The following SPAG1 variants were observed in gnomAD, a reference collection of about 807,000 sequenced individuals.
SPAG1 encodes sperm-associated antigen 1.
A neutral mutation model predicts 100.5 loss-of-function variants in SPAG1; 69 were observed. That is an observed-to-expected ratio of 0.69 (90% CI 0.57 to 0.84). The LOEUF is 0.84. SPAG1 is among the 40% of genes least tolerant of loss of function. SPAG1 has a pLI of 0.00. For missense variants in SPAG1, 955 were observed against 1,133.1 expected, an observed-to-expected ratio of 0.84 and a Z score of 2.26; for synonymous variants, 336 against 411.6, an observed-to-expected ratio of 0.82 and a Z score of 2.22.
At chr8:100,172,634 A>ATGTGTGTGTGTG (rs60155004) in intron 3 of SPAG1, among the ~76,000 whole-genome samples, 1,512 of 145,538 alleles carry the variant, frequency 0.01, 24 homozygotes, top group South Asian at 0.039. Context: ...AAAGAAATAT[A>ATGTGTGTGTGTG]TGTGTGTGTG....
At position 100,225,322 on chromosome 8, in the gene SPAG1, G is replaced by A. The variant is rs147520866; in HGVS notation, c.1838G>A (p.Arg613His). ...CAAGCAGGAGACTCCAGCAGCCATCGCCAGCAGGGCATCACAGGTGGGGGA... is the reference window on the plus strand; with the variant it reads ...CAAGCAGGAGACTCCAGCAGCCATCACCAGCAGGGCATCACAGGTGGGGGA... Reference protein sequence around the residue: ...SKQAGDSSSHRQQGITDEKTF... With the variant: ...SKQAGDSSSHHQQGITDEKTF... The change falls in exon 14 of 19, where the codon CGC (arginine) becomes CAC (histidine). Residue 613 changes from arginine to histidine, a missense_variant. Transcript: ENST00000388798. 16 of 1,613,428 alleles carry A rather than the reference G, an allele frequency of 9.9e-6. No individual in the cohort carries two copies. Among genetic ancestry groups the A allele is most frequent in the African/African-American group, 6.7e-5 (5 of 74,878 alleles).
Position 100,191,445 on chromosome 8 carries a change from A to G in SPAG1, c.888A>G (p.Thr296=). The change falls in exon 9 of 19, where the codon ACA becomes ACG. Residue 296 remains threonine (T), a synonymous_variant. Coordinates refer to ENST00000388798, the MANE Select transcript of SPAG1 (RefSeq NM_003114.5). ...YKHQNKLREA[T]EDLSKVLDVE... Reference sequence around the variant, plus strand: ...ATCAAAACAAGCTCCGGGAAGCTACAGAAGATTTGAGTAAAGTACTAGATG... The same window carrying G: ...ATCAAAACAAGCTCCGGGAAGCTACGGAAGATTTGAGTAAAGTACTAGATG... 1 of 1,614,076 alleles carries G rather than the reference A, an allele frequency of 6.2e-7. No individual in the cohort carries two copies. Among genetic ancestry groups the G allele is most frequent in the Admixed American group, 1.7e-5 (1 of 60,028 alleles).
At chr8:100,231,419 C>A in intron 15 of SPAG1, 131 bp downstream of exon 15, 1 of 601,952 alleles carries the variant, frequency 1.7e-6, no homozygotes, top group Non-Finnish European at 2.8e-6. Flanking sequence ...ATTTCTATAG[C>A]AAGCTGTCCT....
chr8:100,159,807 A>G (rs1815226666), intron 1 of SPAG1, among the ~76,000 whole-genome samples: 1 of 152,220 alleles, frequency 6.6e-6, no homozygotes, highest in Non-Finnish European at 1.5e-5. Flanking sequence ...TGCAGTTTGA[A>G]AATCACTGGT....
At chr8:100,209,207 T>C (rs1328463640) in intron 10 of SPAG1, among the ~76,000 whole-genome samples, 1 of 152,094 alleles carries the variant, frequency 6.6e-6, no homozygotes, top group Non-Finnish European at 1.5e-5. Flanking sequence ...TTGTTGAGAC[T>C]TGGACTGGCT....
In SPAG1 at chr8:100,165,906, A is replaced by T; in HGVS notation, c.233A>T (p.Asp78Val). The change falls in exon 3 of 19, where the codon GAT (aspartate) becomes GTT (valine). Residue 78 changes from aspartate (D) to valine (V), a missense_variant. Coordinates refer to ENST00000388798, the MANE Select transcript of SPAG1 (RefSeq NM_003114.5). ...LAPESRALRK[D>V]KPAATAASFT... ...CCTGAAAGCAGAGCTTTGAGGAAAG[A>T]TAAACCAGCAGCAACAGCAGCCAGT... 1 of 1,614,250 alleles carries T rather than the reference A, an allele frequency of 6.2e-7. No homozygotes were observed. Among genetic ancestry groups the T allele is most frequent in the South Asian group, 1.1e-5 (1 of 91,090 alleles).
intron 10 of SPAG1, among the ~76,000 whole-genome samples, chr8:100,199,503 T>C (rs1304753204): frequency 1.3e-5 from 2 of 152,192 alleles, no homozygotes; most frequent in Non-Finnish European, 2.9e-5. Flanking sequence ...TGGAGTGCAA[T>C]GGCATGATCT....
chr8:100,188,447 G>C (rs1321332132), intron 8 of SPAG1, among the ~76,000 whole-genome samples: 2 of 152,078 alleles, frequency 1.3e-5, no homozygotes, highest in Non-Finnish European at 2.9e-5. Context: ...GAGCCACCAA[G>C]CCTGGCCTGC....
At chr8:100,207,427 A>G (rs1415322584) in intron 10 of SPAG1, among the ~76,000 whole-genome samples, 1 of 152,132 alleles carries the variant, frequency 6.6e-6, no homozygotes, top group Non-Finnish European at 1.5e-5. Flanking sequence ...TGGTTCACTG[A>G]TGGTTCTACA....
chr8:100,202,534 C>A (rs1210904805), intron 10 of SPAG1, among the ~76,000 whole-genome samples: 1 of 149,632 alleles, frequency 6.7e-6, no homozygotes, highest in Non-Finnish European at 1.5e-5. Context: ...CACGGTGAAA[C>A]CCCGTCTCTA....
At chr8:100,204,452 A>G (rs913263900) in intron 10 of SPAG1, among the ~76,000 whole-genome samples, 1 of 152,148 alleles carries the variant, frequency 6.6e-6, no homozygotes, top group African/African-American at 2.4e-5. Context: ...ATCAGGCTGA[A>G]TTTATTGATT....
intron 3 of SPAG1, among the ~76,000 whole-genome samples, chr8:100,176,850 C>T (rs1261329760): frequency 1.2e-5 from 1 of 83,504 alleles, no homozygotes; most frequent in Non-Finnish European, 2.5e-5. Context: ...TCTTCTCTCT[C>T]CTCCCTCTCC....
intron 2 of SPAG1, chr8:100,165,248 A>T (rs1287588620): frequency 3.8e-6 from 2 of 523,146 alleles, no homozygotes; most frequent in Non-Finnish European, 7.8e-6. Context: ...GACTCTAGGA[A>T]TAATTCGCAG....
chr8:100,187,082 T>C (rs760148706), intron 7 of SPAG1, 38 bp from the exon 8 acceptor site: 167 of 1,586,550 alleles, frequency 1.1e-4, no homozygotes, highest in Non-Finnish European at 1.4e-4. Flanking sequence ...TATGTTTACC[T>C]TAGGCTTGCT....
chr8:100,218,035 A>C (rs2439466), intron 12 of SPAG1, among the ~76,000 whole-genome samples: 1 of 152,114 alleles, frequency 6.6e-6, no homozygotes, highest in Non-Finnish European at 1.5e-5. Flanking sequence ...TGGTCTGCCA[A>C]CCTTGGCCTC....
intron 12 of SPAG1, among the ~76,000 whole-genome samples, chr8:100,216,489 G>C (rs1817990840): frequency 6.6e-6 from 1 of 152,196 alleles, no homozygotes; most frequent in South Asian, 2.1e-4. Context: ...CAGCCATGGT[G>C]TCCAGGGTGG....
At chr8:100,226,066 G>A (rs1008261129) in intron 14 of SPAG1, among the ~76,000 whole-genome samples, 3 of 149,186 alleles carry the variant, frequency 2.0e-5, no homozygotes, top group Non-Finnish European at 3.0e-5. Context: ...GTGTGACCTC[G>A]GCTCACTGCA....
intron 9 of SPAG1, among the ~76,000 whole-genome samples, chr8:100,191,974 T>C (rs1816836677): frequency 6.6e-6 from 1 of 152,124 alleles, no homozygotes; most frequent in Non-Finnish European, 1.5e-5. Flanking sequence ...TTTCCCCTGC[T>C]TACAAATGAA....
At chr8:100,225,861 CT>C in intron 14 of SPAG1, among the ~76,000 whole-genome samples, 1 of 152,182 alleles carries the variant, frequency 6.6e-6, no homozygotes, top group African/African-American at 2.4e-5. Context: ...GAGACAGGGG[CT>C]TGCTCTGTCA....
Sources: gnomAD v4.1 joint callset for allele counts (sites outside exome capture counted in the v4.1 genomes callset) on GRCh38, gnomAD v4.1.1 for gene constraint, MANE v1.5 for transcripts, NCBI Gene and HGNC (gene_info 2026-07-23, HGNC 2026-07-21) for gene names.